Variants in DAB1 observed in about 807,000 individuals in gnomAD.
DAB1 encodes DAB adaptor protein 1.
In DAB1, 15 loss-of-function variants were observed where a neutral mutation model predicts 64.6. The ratio of observed to expected loss-of-function variants is 0.23; its 90% confidence interval spans 0.16 to 0.36. The LOEUF (loss-of-function observed/expected upper bound fraction) is 0.36, where lower values mean the gene tolerates loss of function less well. DAB1 is among the 10% of genes least tolerant of loss of function. The probability of loss-of-function intolerance (pLI) is 1.00; values close to 1 mark genes in which losing one functional copy is unlikely to be tolerated. For synonymous variants in DAB1, 235 were observed against 251.9 expected (o/e 0.93, Z 0.64); for missense variants, 596 against 706.7 (o/e 0.84, Z 1.78).
At chr1:58,105,554 A>T (rs959641401) in intron 5 of DAB1, among the ~76,000 whole-genome samples, 2 of 152,194 alleles carry the variant, frequency 1.3e-5, no homozygotes, top group African/African-American at 4.8e-5. Context: ...CGATGCAAAC[A>T]TGAGGAGTTC....
intron 7 of DAB1, among the ~76,000 whole-genome samples, chr1:57,435,880 A>C (rs1685675558): frequency 6.6e-6 from 1 of 150,632 alleles, no homozygotes; most frequent in South Asian, 2.1e-4. Flanking sequence ...ATTATGTGCT[A>C]TACATAAGTG....
chr1:57,565,480 A>T (rs1293141486), intron 7 of DAB1, among the ~76,000 whole-genome samples: 1 of 152,202 alleles, frequency 6.6e-6, no homozygotes, highest in Non-Finnish European at 1.5e-5. Context: ...CAGACTGGCA[A>T]ATTGGATAAA....
chr1:57,848,472 T>C (rs1411732996), intron 1 of DAB1, among the ~76,000 whole-genome samples: 1 of 152,240 alleles, frequency 6.6e-6, no homozygotes, highest in Non-Finnish European at 1.5e-5. Flanking sequence ...TAATGTAATA[T>C]AATACTTATC....
intron 6 of DAB1, among the ~76,000 whole-genome samples, chr1:57,809,417 C>T (rs552112790): frequency 6.6e-6 from 1 of 152,236 alleles, no homozygotes; most frequent in Admixed American, 6.5e-5. Context: ...GTTTTATAGA[C>T]AAGAAAACTG....
At chr1:58,245,248 A>C (rs1660478292) in intron 4 of DAB1, among the ~76,000 whole-genome samples, 2 of 152,172 alleles carry the variant, frequency 1.3e-5, no homozygotes, top group South Asian at 4.1e-4. Context: ...TCACTGTACT[A>C]AAGTGAAAGC....
chr1:57,253,465 G>C (rs76549849), intron 2 of DAB1, among the ~76,000 whole-genome samples: 7 of 152,098 alleles, frequency 4.6e-5, no homozygotes, highest in Non-Finnish European at 1.0e-4. Context: ...CCCTCCTAAA[G>C]ATTCCCCAGC....
At chr1:57,693,102 TAAC>T (rs1307417927) in intron 6 of DAB1, among the ~76,000 whole-genome samples, 4 of 152,152 alleles carry the variant, frequency 2.6e-5, no homozygotes, top group African/African-American at 9.6e-5. Context: ...TGAGCTCAAC[TAAC>T]AACTTCTACC....
chr1:58,082,205 A>G (rs1156987435), intron 5 of DAB1, among the ~76,000 whole-genome samples: 1 of 152,222 alleles, frequency 6.6e-6, no homozygotes, highest in Non-Finnish European at 1.5e-5. Flanking sequence ...CTGATGTGGA[A>G]CATTTATACC....
At chr1:57,454,656 A>C (rs567585691) in intron 7 of DAB1, among the ~76,000 whole-genome samples, 1 of 152,106 alleles carries the variant, frequency 6.6e-6, no homozygotes, top group Admixed American at 6.6e-5. Context: ...TAAACGTAAA[A>C]TTTTTTTTAA....
At chr1:57,099,020 C>T (rs1044624433) in intron 4 of DAB1, among the ~76,000 whole-genome samples, 3 of 152,164 alleles carry the variant, frequency 2.0e-5, no homozygotes, top group Non-Finnish European at 4.4e-5. Flanking sequence ...GTATCTTCAT[C>T]TGTAAAACTG....
chr1:57,635,624 T>C (rs1646043187), intron 7 of DAB1, among the ~76,000 whole-genome samples: 1 of 152,204 alleles, frequency 6.6e-6, no homozygotes, highest in African/African-American at 2.4e-5. Context: ...GTGAGTTGTA[T>C]AATTATTTCA....
intron 1 of DAB1, among the ~76,000 whole-genome samples, chr1:57,304,594 T>C (rs1261855984): frequency 6.6e-6 from 1 of 152,148 alleles, no homozygotes; most frequent in African/African-American, 2.4e-5. Flanking sequence ...GCAGGGAAAA[T>C]GGTACCTTAC....
At chr1:57,073,955 C>A (rs1651749359) in intron 4 of DAB1, among the ~76,000 whole-genome samples, 1 of 152,172 alleles carries the variant, frequency 6.6e-6, no homozygotes, top group Admixed American at 6.5e-5. Flanking sequence ...TGCCTCACTG[C>A]AACCTTCACC....
chr1:57,652,853 A>G (rs985594815), intron 6 of DAB1, among the ~76,000 whole-genome samples: 3 of 152,196 alleles, frequency 2.0e-5, no homozygotes, highest in African/African-American at 7.2e-5. Flanking sequence ...ATTCAAACCC[A>G]GAATGTCTGG....
chr1:58,008,721 G>C (rs1273599310), intron 5 of DAB1, among the ~76,000 whole-genome samples: 1 of 152,128 alleles, frequency 6.6e-6, no homozygotes, highest in Non-Finnish European at 1.5e-5. Flanking sequence ...ACCTATGAAA[G>C]ACTTAGAGAA....
At chr1:57,906,961 T>C (rs1202398301) in intron 5 of DAB1, among the ~76,000 whole-genome samples, 7 of 151,850 alleles carry the variant, frequency 4.6e-5, no homozygotes, top group Non-Finnish European at 1.0e-4. Context: ...GATAGATAGA[T>C]AGATAGATAG....
intron 6 of DAB1, among the ~76,000 whole-genome samples, chr1:57,718,881 AT>A (rs1370838024): frequency 2.6e-5 from 4 of 152,130 alleles, no homozygotes; most frequent in Non-Finnish European, 5.9e-5. Flanking sequence ...TTTTAAAAGC[AT>A]TCTTAAGGAT....
intron 1 of DAB1, among the ~76,000 whole-genome samples, chr1:57,293,754 AC>A (rs1255628847): frequency 7.3e-6 from 1 of 137,824 alleles, no homozygotes; most frequent in African/African-American, 2.6e-5. Flanking sequence ...TGGATTTTAC[AC>A]ATTTTCAAGA....
At chr1:57,598,088 T>C (rs1242398713) in intron 7 of DAB1, among the ~76,000 whole-genome samples, 1 of 152,214 alleles carries the variant, frequency 6.6e-6, no homozygotes, top group Admixed American at 6.5e-5. Flanking sequence ...GTTTACGCCA[T>C]TCCCCTGCCT....
Sources: gnomAD v4.1 joint callset for allele counts (sites outside exome capture counted in the v4.1 genomes callset) on GRCh38, gnomAD v4.1.1 for gene constraint, MANE v1.5 for transcripts, NCBI Gene and HGNC (gene_info 2026-07-23, HGNC 2026-07-21) for gene names.